Variants in RIC8B observed in about 807,000 individuals in gnomAD.
RIC8B encodes chaperone Ric-8B.
RIC8B carries 16 observed loss-of-function variants against 57.5 expected under a neutral mutation model. The observed-to-expected ratio is 0.28, with a 90% CI of 0.19 to 0.42. The LOEUF (loss-of-function observed/expected upper bound fraction) is 0.42, where lower values mean the gene tolerates loss of function less well. Among genes scored for constraint, RIC8B ranks in the 10% least tolerant of loss-of-function variants. The probability of loss-of-function intolerance (pLI) is 1.00; values close to 1 mark genes in which losing one functional copy is unlikely to be tolerated. For synonymous variants in RIC8B, 216 were observed against 250.8 expected (o/e 0.86, Z 1.31); for missense variants, 481 against 677.0 (o/e 0.71, Z 3.21).
chr12:106,815,680 TAAAG>T (rs1283583475), intron 3 of RIC8B, among the ~76,000 whole-genome samples: 2 of 152,202 alleles, frequency 1.3e-5, no homozygotes, highest in Non-Finnish European at 2.9e-5. Flanking sequence ...GCTGCCATCT[TAAAG>T]AAAAGTTAAG....
intron 2 of RIC8B, among the ~76,000 whole-genome samples, chr12:106,812,127 T>C (rs1377392669): frequency 2.0e-5 from 3 of 152,194 alleles, no homozygotes; most frequent in Non-Finnish European, 1.5e-5. Flanking sequence ...TCAAGAGATA[T>C]GGCAAAAAGC....
At chr12:106,801,425 T>C (rs2044725474) in intron 2 of RIC8B, among the ~76,000 whole-genome samples, 1 of 152,206 alleles carries the variant, frequency 6.6e-6, no homozygotes, top group African/African-American at 2.4e-5. Flanking sequence ...TTTCAGTTTT[T>C]TTGACAGATC....
intron 1 of RIC8B, chr12:106,775,343 G>A (rs929018997): frequency 4.4e-6 from 2 of 455,920 alleles, no homozygotes; most frequent in Admixed American, 2.3e-5. Context: ...AGGGTAGATG[G>A]TATCATCCTC....
chr12:106,784,126 A>T, intron 2 of RIC8B, 82 bp downstream of exon 2: 1 of 1,252,596 alleles, frequency 8.0e-7, no homozygotes, highest in Non-Finnish European at 1.2e-6. Flanking sequence ...TCATGTTTTC[A>T]TCTGATGGTT....
intron 8 of RIC8B, among the ~76,000 whole-genome samples, chr12:106,868,698 CTCT>C (rs1365505717): frequency 6.6e-6 from 1 of 151,328 alleles, no homozygotes; most frequent in Non-Finnish European, 1.5e-5. Context: ...AGGCCTTTTT[CTCT>C]TCTTTTAGGA....
intron 3 of RIC8B, among the ~76,000 whole-genome samples, chr12:106,816,009 C>T (rs1566077617): frequency 6.6e-6 from 1 of 152,102 alleles, no homozygotes; most frequent in Admixed American, 6.6e-5. Context: ...CATTTGAGTA[C>T]CCACAAGAAC....
At chr12:106,853,453 C>CTTTTTGTTTT (rs1949565124) in intron 7 of RIC8B, among the ~76,000 whole-genome samples, 1 of 38,022 alleles carries the variant, frequency 2.6e-5, no homozygotes, top group African/African-American at 1.3e-4. Flanking sequence ...GCTTTATAGT[C>CTTTTTGTTTT]TTTTTTTTTT....
intron 4 of RIC8B, among the ~76,000 whole-genome samples, chr12:106,831,458 G>A (rs2046349768): frequency 6.6e-6 from 1 of 152,090 alleles, no homozygotes; most frequent in African/African-American, 2.4e-5. Context: ...CCAAACCTTT[G>A]CAACTCTCTA....
At chr12:106,837,648 T>TTG (rs1555256206) in intron 4 of RIC8B, among the ~76,000 whole-genome samples, 1 of 148,498 alleles carries the variant, frequency 6.7e-6, no homozygotes, top group Non-Finnish European at 1.5e-5. Context: ...TGTTTTTTTT[T>TTG]TTTTTTTTTT....
At position 106,820,285 on chromosome 12, in the gene RIC8B, C is replaced by T. The variant is rs140704842; in HGVS notation, c.741+4981C>T. Among the ~76,000 whole-genome samples the T allele has an allele frequency of 1.7e-3, 257 of 152,244 alleles. 2 individuals are homozygous for T. Among genetic ancestry groups the T allele is most frequent in the African/African-American group, 5.8e-3 (239 of 41,548 alleles). The stretch of plus-strand genomic sequence containing the variant: ...TGCCTCAGTGTTAAATTCGTGCCTG[C>T]CTGCTGATGCCATCAGCAGATTAAT... On this transcript the variant is annotated intron_variant, in intron 3 of 9. Transcript: ENST00000392837.
At chr12:106,862,923 C>T (rs1447508126) in intron 8 of RIC8B, among the ~76,000 whole-genome samples, 3 of 152,086 alleles carry the variant, frequency 2.0e-5, no homozygotes, top group African/African-American at 7.2e-5. Flanking sequence ...AAAATATACT[C>T]ATAGAATTGA....
intron 8 of RIC8B, among the ~76,000 whole-genome samples, chr12:106,862,440 G>C (rs1321661738): frequency 1.3e-5 from 2 of 151,968 alleles, no homozygotes; most frequent in Non-Finnish European, 2.9e-5. Context: ...GGTAAATAAA[G>C]TACTCTGCAA....
rs187752272 is a variant in RIC8B at position 106,837,098 on chromosome 12, G to A, written c.837-5491G>A. ...GTATAACCCGGCCGGGCGCAGTGGCGCACACCTGTAATCCCAGCACTTTGG... is the reference window on the plus strand; with the variant it reads ...GTATAACCCGGCCGGGCGCAGTGGCACACACCTGTAATCCCAGCACTTTGG... On this transcript the variant is annotated intron_variant, in intron 4 of 9. Coordinates refer to ENST00000392837, the MANE Select transcript of RIC8B (RefSeq NM_001330145.2). Among the ~76,000 whole-genome samples, 6 of 152,258 alleles carry A rather than the reference G, an allele frequency of 3.9e-5. No individual in the cohort carries two copies. The South Asian group carries it at 6.2e-4, about 16-fold the overall frequency.
chr12:106,790,588 G>A (rs1299319708), intron 2 of RIC8B, among the ~76,000 whole-genome samples: 1 of 152,130 alleles, frequency 6.6e-6, no homozygotes, highest in Non-Finnish European at 1.5e-5. Flanking sequence ...GGATTGGTGG[G>A]GAGGATATAA....
chr12:106,855,600 G>A (rs990675067), intron 7 of RIC8B, among the ~76,000 whole-genome samples: 8 of 152,076 alleles, frequency 5.3e-5, no homozygotes, highest in Admixed American at 1.3e-4. Flanking sequence ...TAATGCTGTT[G>A]TCCACTTCCT....
intron 9 of RIC8B, among the ~76,000 whole-genome samples, chr12:106,884,546 C>T (rs911558676): frequency 6.6e-5 from 10 of 152,130 alleles, no homozygotes; most frequent in Non-Finnish European, 5.9e-5. Context: ...AGACCCCTTC[C>T]AACTTTAAGT....
chr12:106,786,972 A>T (rs1949967046), intron 2 of RIC8B, among the ~76,000 whole-genome samples: 1 of 152,206 alleles, frequency 6.6e-6, no homozygotes, highest in Non-Finnish European at 1.5e-5. Flanking sequence ...TTTACTGGTA[A>T]ATACAAGCAT....
intron 9 of RIC8B, among the ~76,000 whole-genome samples, chr12:106,881,018 A>G (rs1002346541): frequency 8.5e-5 from 13 of 152,250 alleles, no homozygotes; most frequent in African/African-American, 3.1e-4. Flanking sequence ...GGAAAATGAA[A>G]GATAATATCA....
At chr12:106,811,895 A>C (rs1295687195) in intron 2 of RIC8B, among the ~76,000 whole-genome samples, 1 of 152,226 alleles carries the variant, frequency 6.6e-6, no homozygotes, top group African/African-American at 2.4e-5. Context: ...GCACCTTTGA[A>C]ACATGGAAGC....
Sources: gnomAD v4.1 joint callset for allele counts (sites outside exome capture counted in the v4.1 genomes callset) on GRCh38, gnomAD v4.1.1 for gene constraint, MANE v1.5 for transcripts, NCBI Gene and HGNC (gene_info 2026-07-23, HGNC 2026-07-21) for gene names.